The following NFATC2IP variants were observed in gnomAD, a reference collection of about 807,000 sequenced individuals.
NFATC2IP encodes nuclear factor of activated T cells 2 interacting protein.
In NFATC2IP, 25 loss-of-function variants were observed where a neutral mutation model predicts 40.2. The ratio of observed to expected loss-of-function variants is 0.62; its 90% confidence interval spans 0.45 to 0.87. The LOEUF (loss-of-function observed/expected upper bound fraction) is 0.87, where lower values mean the gene tolerates loss of function less well. Among genes scored for constraint, NFATC2IP ranks in the 40% least tolerant of loss-of-function variants. The pLI is 0.00. For missense variants in NFATC2IP, 553 were observed against 555.6 expected (o/e 1.00, Z 0.05); for synonymous variants, 241 against 236.3 (o/e 1.02, Z -0.18).
chr16:28,963,931 A>G lies in NFATC2IP; in HGVS notation c.*68A>G. The G allele has an allele frequency of 6.9e-7, 1 of 1,449,404 alleles. No homozygotes were observed. The highest frequency in any genetic ancestry group is 9.6e-7 in the Non-Finnish European group (1 of 1,040,112). 89.8% of individuals were successfully genotyped at this position (1,449,404 alleles called of 1,614,324 possible). On this transcript the variant is annotated 3_prime_UTR_variant, in exon 8 of 8. Coordinates refer to ENST00000320805, the MANE Select transcript of NFATC2IP (RefSeq NM_032815.4). Reference sequence around the variant, plus strand: ...AATGACTTTCCCTTTTTTGCCCCATAAGGGCTAGCATAAGCTGAGGTAGAA... The same window carrying G: ...AATGACTTTCCCTTTTTTGCCCCATGAGGGCTAGCATAAGCTGAGGTAGAA...
intron 1 of NFATC2IP, 118 bp downstream of exon 1, chr16:28,951,516 G>A: frequency 9.7e-7 from 1 of 1,032,234 alleles, no homozygotes; most frequent in Non-Finnish European, 1.3e-6. Flanking sequence ...TTCTGGGGCT[G>A]GTCCTCGGGC....
At chr16:28,961,179 T>G (rs2141647518) in intron 7 of NFATC2IP, among the ~76,000 whole-genome samples, 1 of 151,622 alleles carries the variant, frequency 6.6e-6, no homozygotes, top group African/African-American at 2.4e-5. Flanking sequence ...AATACAAAAA[T>G]TAGCCCAGCA....
chr16:28,966,794 T>A lies in NFATC2IP; in HGVS notation c.*2931T>A, dbSNP rs1412958908. ...AAAAAAAAATTCAGTGAAATACACC[T>A]TTATATATGAGATCCAAGTTTCACT... On this transcript the variant is annotated 3_prime_UTR_variant, in exon 8 of 8. Transcript: ENST00000320805. 1 of 151,624 alleles carries A rather than the reference T, an allele frequency of 6.6e-6. No homozygotes were observed. The highest frequency in any genetic ancestry group is 2.4e-5 in the African/African-American group (1 of 41,250). The allele number at this position is 151,624 out of a possible 1,614,324, so 9.4% of individuals were successfully genotyped here.
intron 7 of NFATC2IP, among the ~76,000 whole-genome samples, chr16:28,962,771 C>T (rs1965101031): frequency 6.6e-6 from 1 of 152,238 alleles, no homozygotes; most frequent in Non-Finnish European, 1.5e-5. Context: ...CTGTCTCCTC[C>T]TGGCTCCTGC....
rs1334026672 is a variant in NFATC2IP, at chr16:28,957,156, C to A, written c.846+819C>A. On this transcript the variant is annotated intron_variant, in intron 5 of 7. Transcript: ENST00000320805. ...TCAGGCGATTCTCCCACCTCAGCCT[C>A]CCGAGTAGCTTGGACTACAGGTGCC... is the stretch of plus-strand genomic sequence containing the variant. 5 of 152,270 alleles carry A rather than the reference C, an allele frequency of 3.3e-5. No individual in the cohort carries two copies. In the East Asian group the frequency reaches 9.7e-4, roughly 30 times the overall value. The allele number at this position is 152,270 out of a possible 1,614,324, so 9.4% of individuals were successfully genotyped here.
chr16:28,954,034 C>T (rs1440629555), intron 2 of NFATC2IP, among the ~76,000 whole-genome samples: 1 of 151,972 alleles, frequency 6.6e-6, no homozygotes, highest in African/African-American at 2.4e-5. Context: ...CTGGAAAATT[C>T]TTTGGTGTTG....
intron 5 of NFATC2IP, 49 bp downstream of exon 5, chr16:28,956,386 G>A (rs769191255): frequency 1.4e-6 from 2 of 1,458,114 alleles, no homozygotes; most frequent in African/African-American, 1.4e-5. Flanking sequence ...TGCTTCTGGA[G>A]AGATGGTGGT....
intron 7 of NFATC2IP, among the ~76,000 whole-genome samples, chr16:28,962,513 C>T (rs1965098906): frequency 6.6e-6 from 1 of 152,122 alleles, no homozygotes; most frequent in African/African-American, 2.4e-5. Context: ...CTCTCTCCCT[C>T]CTTCTTGGAG....
chr16:28,952,340 G>A (rs1964976439), intron 2 of NFATC2IP, 136 bp downstream of exon 2: 4 of 1,330,904 alleles, frequency 3.0e-6, no homozygotes, highest in Non-Finnish European at 3.1e-6. Flanking sequence ...CTGCATCCCA[G>A]CCACAGGAGC....
At chr16:28,960,548 C>G (rs2141647033) in intron 7 of NFATC2IP, among the ~76,000 whole-genome samples, 1 of 152,318 alleles carries the variant, frequency 6.6e-6, no homozygotes, top group Non-Finnish European at 1.5e-5. Flanking sequence ...CTCTCTCTCT[C>G]TCTCTGCGGA....
chr16:28,951,457 G>T (rs2141637382), intron 1 of NFATC2IP, 59 bp downstream of exon 1: 2 of 1,355,272 alleles, frequency 1.5e-6, no homozygotes, highest in East Asian at 3.0e-5. Context: ...CCTCCAGGGA[G>T]GGGCCGGCGT....
At chr16:28,963,071 A>C (rs1287646125) in intron 7 of NFATC2IP, among the ~76,000 whole-genome samples, 1 of 152,142 alleles carries the variant, frequency 6.6e-6, no homozygotes, top group Non-Finnish European at 1.5e-5. Context: ...AGTTGCAGCT[A>C]CTCAGGAGGC....
rs375727674 is a variant in NFATC2IP at position 28,954,547 on chromosome 16, C to G, written c.461-18C>G. 1.9e-6 allele frequency: 3 copies of G among 1,569,262 alleles called. No homozygotes were observed. Among genetic ancestry groups the G allele is most frequent in the Middle Eastern group, 1.7e-4 (1 of 5,974 alleles). The stretch of plus-strand genomic sequence containing the variant: ...CCCTTGGATAACCCCCTTCTACCTT[C>G]TCTTCCTCTGCCCCCAGAGGCAGAG... On this transcript the variant is annotated intron_variant, in intron 2 of 7. Coordinates refer to ENST00000320805, the MANE Select transcript of NFATC2IP (RefSeq NM_032815.4).
Position 28,956,074 on chromosome 16 carries a change from G to A in NFATC2IP, c.659+16G>A, listed in dbSNP as rs1188613925. On this transcript the variant is annotated intron_variant, in intron 4 of 7. Coordinates refer to ENST00000320805, the MANE Select transcript of NFATC2IP (RefSeq NM_032815.4). Reference sequence around the variant, plus strand: ...AGAAGTTAAGGTGCCAAGTGCAGGGGCTCTGGCTGGGATGGAAGAGGGCAA... The same window carrying A: ...AGAAGTTAAGGTGCCAAGTGCAGGGACTCTGGCTGGGATGGAAGAGGGCAA... 1 of 1,613,656 alleles carries A rather than the reference G, an allele frequency of 6.2e-7. No individual in the cohort carries two copies. The highest frequency in any genetic ancestry group is 1.7e-5 in the Admixed American group (1 of 60,008).
At chr16:28,963,620 C>A in intron 7 of NFATC2IP, 85 bp from the exon 8 acceptor site, 1 of 1,242,672 alleles carries the variant, frequency 8.0e-7, no homozygotes. Context: ...CCGCCATCCT[C>A]CCTGTCCCAA....
At chr16:28,955,370 A>G (rs1252940560) in intron 3 of NFATC2IP, among the ~76,000 whole-genome samples, 1 of 152,146 alleles carries the variant, frequency 6.6e-6, no homozygotes, top group Non-Finnish European at 1.5e-5. Flanking sequence ...TGAGCCCAGG[A>G]GTTCAAGACC....
rs1269197014 is a variant in NFATC2IP at position 28,951,272 on chromosome 16, C to G, written c.261C>G (p.Asn87Lys). The G allele has an allele frequency of 4.8e-6, 7 of 1,471,092 alleles. No homozygotes were observed. The highest frequency in any genetic ancestry group is 6.3e-6 in the Non-Finnish European group (7 of 1,106,076). The allele number at this position is 1,471,092 out of a possible 1,614,324, so 91.1% of individuals were successfully genotyped here. ...CGGGGCCGGTCGCGTCCCGGGATAA[C>G]AGCAACAGTGACAGCGAAGGGGAGG... Reference protein sequence around the residue: ...EPPGPVASRDNSNSDSEGEDR... With the variant: ...EPPGPVASRDKSNSDSEGEDR... The change falls in exon 1 of 8, where the codon AAC becomes AAG. Residue 87 changes from asparagine to lysine, a missense_variant. Transcript: ENST00000320805.
Position 28,952,132 on chromosome 16 carries a change from G to GACACAGGCGAAGCAGCC in NFATC2IP, c.388_389insACACAGGCGAAGCAGCC (p.Val130AspfsTer21). 6.2e-7 allele frequency: 1 copy of GACACAGGCGAAGCAGCC among 1,613,962 alleles called. No homozygotes were observed. The highest frequency in any genetic ancestry group is 8.5e-7 in the Non-Finnish European group (1 of 1,179,918). ...CCCTCTCCCTTCTTTGTCTTTGCAGGTTAAAAGCAGCCTTCGCCTTATCCC... is the reference window on the plus strand; with the variant it reads ...CCCTCTCCCTTCTTTGTCTTTGCAGGACACAGGCGAAGCAGCCTTAAAAGCAGCCTTCGCCTTATCCC... On this transcript the variant is annotated frameshift_variant and splice_region_variant, in exon 2 of 8. Transcript: ENST00000320805. LOFTEE classifies it high-confidence loss of function.
In NFATC2IP at chr16:28,965,727, C is replaced by A. The variant is rs1170928732; in HGVS notation, c.*1864C>A. The A allele has an allele frequency of 6.6e-6, 1 of 151,910 alleles. No homozygotes were observed. The highest frequency in any genetic ancestry group is 6.6e-5 in the Admixed American group (1 of 15,230). The allele number at this position is 151,910 out of a possible 1,614,324, so 9.4% of individuals were successfully genotyped here. ...TTAAAGGGGAAAAAATTGAAATTTT[C>A]TTTGTATCTAGGGGTATCCGTCACT... is the stretch of plus-strand genomic sequence containing the variant. On this transcript the variant is annotated 3_prime_UTR_variant, in exon 8 of 8. Coordinates refer to ENST00000320805, the MANE Select transcript of NFATC2IP (RefSeq NM_032815.4).
Sources: allele counts gnomAD v4.1 joint callset (sites outside exome capture counted in the v4.1 genomes callset), GRCh38; gene constraint gnomAD v4.1.1; transcripts MANE v1.5; gene names NCBI Gene and HGNC (gene_info 2026-07-23, HGNC 2026-07-21).